CLSTN3: variants seen among roughly 807,000 people sequenced by gnomAD.
The protein encoded by CLSTN3 is calsyntenin 3.
In CLSTN3, 36 loss-of-function variants were observed where a neutral mutation model predicts 95.9. The ratio of observed to expected loss-of-function variants is 0.38; its 90% CI spans 0.29 to 0.50. The LOEUF is 0.50. CLSTN3 is among the 20% of genes least tolerant of loss of function. The pLI is 0.95. For synonymous variants in CLSTN3, 481 were observed against 504.0 expected, an observed-to-expected ratio of 0.95 and a Z score of 0.61; for missense variants, 1,084 against 1,268.8, an observed-to-expected ratio of 0.85 and a Z score of 2.21.
intron 16 of CLSTN3, among the ~76,000 whole-genome samples, chr12:7,153,329 G>C (rs1270399665): frequency 8.5e-5 from 13 of 152,116 alleles, no homozygotes; most frequent in African/African-American, 3.1e-4. Flanking sequence ...ACTTTTTATA[G>C]AGACAAGGTC....
rs914874847 is a variant in CLSTN3 at position 7,141,547 on chromosome 12, A to G, written c.1486+143A>G. ...GTGCAGGGTGACTCTGAAGATCTCC[A>G]TGGGAAGGGACCACAGCCTCCCTCC... On this transcript the variant is annotated intron_variant, in intron 9 of 17. Coordinates refer to ENST00000266546, the MANE Select transcript of CLSTN3 (RefSeq NM_014718.4). The surrounding 1 kb of genome is among the most constrained non-coding windows in gnomAD (Gnocchi z 4.1). 7 of 854,056 alleles carry G rather than the reference A, an allele frequency of 8.2e-6. No individual in the cohort carries two copies. Among genetic ancestry groups the G allele is most frequent in the Middle Eastern group, 4.8e-4 (2 of 4,142 alleles). 52.9% of individuals were successfully genotyped at this position (854,056 alleles called of 1,614,324 possible). A position where few individuals can be genotyped will look rare whatever the true frequency, so the allele number is the denominator to read the frequency against.
intron 12 of CLSTN3, among the ~76,000 whole-genome samples, chr12:7,145,561 GT>G (rs112890190): frequency 7.8e-4 from 111 of 142,242 alleles, no homozygotes; most frequent in African/African-American, 1.5e-3. Context: ...TTTTCCTGAA[GT>G]TTTTTTTTTT....
chr12:7,129,912 C>T (rs1939246721), upstream of CLSTN3: 7 of 620,848 alleles, frequency 1.1e-5, no homozygotes, highest in Non-Finnish European at 1.4e-5. The surrounding 1 kb of genome is among the most constrained non-coding windows in gnomAD (Gnocchi z 5.5). Flanking sequence ...CCTGTGGCTT[C>T]CTCGCAGCCC....
In CLSTN3 at chr12:7,141,449, G is replaced by A. The variant is rs1325066032; in HGVS notation, c.1486+45G>A. 1 of 1,610,168 alleles carries A rather than the reference G, an allele frequency of 6.2e-7. No individual in the cohort carries two copies. The highest frequency in any genetic ancestry group is 8.5e-7 in the Non-Finnish European group (1 of 1,176,836). ...CTCCAGTGGTTCAGGATTTGGGAAG[G>A]GAGGTAGGCTGGTGAGGAGCAAGGG... On this transcript the variant is annotated intron_variant, in intron 9 of 17. Coordinates refer to ENST00000266546, the MANE Select transcript of CLSTN3 (RefSeq NM_014718.4). This position sits in a 1 kb window ranked among gnomAD's most constrained non-coding sequence, Gnocchi z 4.1.
chr12:7,136,494 G>GGT (rs1939424371), intron 6 of CLSTN3, 103 bp downstream of exon 6: 4 of 1,149,210 alleles, frequency 3.5e-6, no homozygotes, highest in Admixed American at 5.5e-5. Flanking sequence ...CCATCCACAG[G>GGT]TGTTTATCCA....
At chr12:7,129,856 T>TG (rs1939245046), upstream of CLSTN3, 19 of 971,498 alleles carry the variant, frequency 2.0e-5, no homozygotes, top group South Asian at 4.8e-5. The surrounding 1 kb of genome is among the most constrained non-coding windows in gnomAD (Gnocchi z 5.5). Context: ...CACGACGTCC[T>TG]GCCCCTCCTT....
intron 12 of CLSTN3, among the ~76,000 whole-genome samples, chr12:7,145,884 A>G (rs1939615207): frequency 6.6e-6 from 1 of 152,038 alleles, no homozygotes; most frequent in African/African-American, 2.4e-5. Context: ...TCCACTGCCC[A>G]TCAGTTGCCA....
chr12:7,142,521 C>T (rs1753107282), intron 10 of CLSTN3, among the ~76,000 whole-genome samples: 1 of 151,798 alleles, frequency 6.6e-6, no homozygotes, highest in South Asian at 2.1e-4. Flanking sequence ...TGCCGCCTCC[C>T]CCTCCCTCCT....
chr12:7,131,437 C>T (rs1939298901), intron 1 of CLSTN3: 2 of 237,082 alleles, frequency 8.4e-6, no homozygotes, highest in Non-Finnish European at 1.7e-5. Flanking sequence ...AGAGGGAAAG[C>T]TGAGAAGGAG....
rs1939278040 is a variant in CLSTN3 at position 7,130,633 on chromosome 12, T to TGCCCC, written c.-15_-11dup. Reference sequence around the variant, plus strand: ...GGGAGGCAAACGCCTGGCCCTGCCCTGCCCCACGCCGCACCATGACCCTCC... The same window carrying TGCCCC: ...GGGAGGCAAACGCCTGGCCCTGCCCTGCCCCGCCCCACGCCGCACCATGACCCTCC... On this transcript the variant is annotated 5_prime_UTR_variant, in exon 1 of 18. Transcript: ENST00000266546. 6.4e-7 allele frequency: 1 copy of TGCCCC among 1,560,884 alleles called. No homozygotes were observed. Among genetic ancestry groups the TGCCCC allele is most frequent in the Non-Finnish European group, 8.7e-7 (1 of 1,152,288 alleles).
intron 12 of CLSTN3, among the ~76,000 whole-genome samples, chr12:7,147,049 A>C (rs938776984): frequency 6.6e-6 from 1 of 152,168 alleles, no homozygotes; most frequent in African/African-American, 2.4e-5. Flanking sequence ...GGGCATGCTC[A>C]GTAACACTAA....
Position 7,157,377 on chromosome 12 carries a change from CT to C in CLSTN3, c.2528-111del, listed in dbSNP as rs978336567. 51 of 896,530 alleles carry C rather than the reference CT, an allele frequency of 5.7e-5. No homozygotes were observed. The African/African-American group carries it at 6.1e-4, about 11-fold the overall frequency. 55.5% of individuals were successfully genotyped at this position (896,530 alleles called of 1,614,324 possible). On this transcript the variant is annotated intron_variant, in intron 16 of 17. Coordinates refer to ENST00000266546, the MANE Select transcript of CLSTN3 (RefSeq NM_014718.4). The surrounding 1 kb of genome is among the most constrained non-coding windows in gnomAD (Gnocchi z 5.9). ...CCTCTCTTCTCGGCCACCGTGTGTT[CT>C]GCCCTGGGAGTCCTTCAGCCCGGGC...
intron 3 of CLSTN3, 152 bp from the exon 4 acceptor site, chr12:7,135,175 G>A (rs1939380806): frequency 9.6e-6 from 7 of 726,926 alleles, no homozygotes; most frequent in Admixed American, 4.5e-5. Context: ...GTACGGTATC[G>A]AACCTGTCCC....
At chr12:7,129,957 C>G (rs1433547050), upstream of CLSTN3, 11 of 315,334 alleles carry the variant, frequency 3.5e-5, no homozygotes, top group Non-Finnish European at 4.6e-5. The surrounding 1 kb of genome is among the most constrained non-coding windows in gnomAD (Gnocchi z 5.5). Context: ...CAGGCTCAGA[C>G]TGAGGGTTTT....
Position 7,142,767 on chromosome 12 carries a change from A to G in CLSTN3, c.1541-102A>G, listed in dbSNP as rs1027882259. On this transcript the variant is annotated intron_variant, in intron 10 of 17. Coordinates refer to ENST00000266546, the MANE Select transcript of CLSTN3 (RefSeq NM_014718.4). Reference sequence around the variant, plus strand: ...CACATTTCTCCTTTTTTTCTTTCTCAACTCTTCTGCTCTTTCTCTCCTTTC... The same window carrying G: ...CACATTTCTCCTTTTTTTCTTTCTCGACTCTTCTGCTCTTTCTCTCCTTTC... 10 of 882,068 alleles carry G rather than the reference A, an allele frequency of 1.1e-5. No homozygotes were observed. In the Admixed American group the frequency reaches 2.1e-4, roughly 18 times the overall value. The allele number at this position is 882,068 out of a possible 1,614,324, so 54.6% of individuals were successfully genotyped here.
At chr12:7,130,843 TC>T in intron 1 of CLSTN3, 131 bp downstream of exon 1, 1 of 788,730 alleles carries the variant, frequency 1.3e-6, no homozygotes. Flanking sequence ...TCACCCTCCT[TC>T]CCATCCGTTC....
In CLSTN3 at chr12:7,130,393, G is replaced by T; in HGVS notation, c.-256G>T. 7.0e-7 allele frequency: 1 copy of T among 1,430,588 alleles called. No homozygotes were observed. Among genetic ancestry groups the T allele is most frequent in the Non-Finnish European group, 9.1e-7 (1 of 1,094,294 alleles). 88.6% of individuals were successfully genotyped at this position (1,430,588 alleles called of 1,614,324 possible). A position where few individuals can be genotyped will look rare whatever the true frequency, so the allele number is the denominator to read the frequency against. On this transcript the variant is annotated 5_prime_UTR_variant, in exon 1 of 18. Transcript: ENST00000266546. The stretch of plus-strand genomic sequence containing the variant: ...GTCATCCTGCAGTAGCGGGGTTGGG[G>T]TGGGAGTGAGAGAGTGAGGACGCTG...
Position 7,150,680 on chromosome 12 carries a change from C to A in CLSTN3, c.2382C>A (p.Phe794Leu), listed in dbSNP as rs1313162851. 9 of 1,613,552 alleles carry A rather than the reference C, an allele frequency of 5.6e-6. No individual in the cohort carries two copies. Among genetic ancestry groups the A allele is most frequent in the Non-Finnish European group, 6.8e-6 (8 of 1,179,474 alleles). The change falls in exon 15 of 18, where the codon TTC becomes TTA. Residue 794 changes from phenylalanine (F) to leucine (L), a missense_variant. Transcript: ENST00000266546. This position sits in a 1 kb window ranked among gnomAD's most constrained non-coding sequence, Gnocchi z 4.0. Reference protein sequence around the residue: ...EMNGRYSSNEFIVEVNVLHSM... With the variant: ...EMNGRYSSNELIVEVNVLHSM... ...ATGGCCGTTACTCCAGCAATGAATT[C>A]ATCGTGGAGGTACCCAGAGAGTCTC...
Position 7,141,284 on chromosome 12 carries a change from T to C in CLSTN3, c.1366T>C (p.Phe456Leu). 2.5e-6 allele frequency: 4 copies of C among 1,614,046 alleles called. No individual in the cohort carries two copies. The highest frequency in any genetic ancestry group is 3.4e-6 in the Non-Finnish European group (4 of 1,179,984). The change falls in exon 9 of 18, where the codon TTC becomes CTC. Residue 456 changes from phenylalanine to leucine, a missense_variant. Coordinates refer to ENST00000266546, the MANE Select transcript of CLSTN3 (RefSeq NM_014718.4). The surrounding 1 kb of genome is among the most constrained non-coding windows in gnomAD (Gnocchi z 4.1). ...GCACCACTACGCTCTGAACCTCGAG[T>C]TCCCCACAGTCACACTCTATACCGA... ...EWHHYALNLE[F>L]PTVTLYTDGI...
Sources: allele counts gnomAD v4.1 joint callset (sites outside exome capture counted in the v4.1 genomes callset), GRCh38; gene constraint gnomAD v4.1.1; non-coding constraint Gnocchi (gnomAD v3.1); transcripts MANE v1.5; gene names NCBI Gene and HGNC (gene_info 2026-07-23, HGNC 2026-07-21).